LARP1B: variants seen among roughly 807,000 people sequenced by gnomAD.
LARP1B encodes la-related protein 1B.
A neutral mutation model predicts 114.2 loss-of-function variants in LARP1B; 76 were observed. That is an observed-to-expected ratio of 0.67 (90% confidence interval 0.55 to 0.81). The LOEUF is 0.81. Among genes scored for constraint, LARP1B ranks in the 30% least tolerant of loss-of-function variants. The pLI is 0.00. For missense variants in LARP1B, 1,014 were observed against 1,075.8 expected, an observed-to-expected ratio of 0.94 and a Z score of 0.80; for synonymous variants, 345 against 348.0, an observed-to-expected ratio of 0.99 and a Z score of 0.10.
chr4:128,151,218 CATT>C (rs1732644373), intron 11 of LARP1B, among the ~76,000 whole-genome samples: 1 of 152,068 alleles, frequency 6.6e-6, no homozygotes, highest in Admixed American at 6.6e-5. Flanking sequence ...TAGTTGTAGA[CATT>C]ATGTCAGCTT....
intron 12 of LARP1B, among the ~76,000 whole-genome samples, chr4:128,175,740 C>T (rs994015918): frequency 3.3e-5 from 5 of 152,018 alleles, no homozygotes; most frequent in Non-Finnish European, 5.9e-5. Flanking sequence ...CCATTTCGGT[C>T]GTTGTTTTCA....
chr4:128,118,490 C>A (rs1283165903), intron 10 of LARP1B, among the ~76,000 whole-genome samples: 1 of 151,710 alleles, frequency 6.6e-6, no homozygotes, highest in Admixed American at 6.6e-5. Flanking sequence ...CCCGCCTCAG[C>A]CTCCCAAAGT....
intron 8 of LARP1B, among the ~76,000 whole-genome samples, chr4:128,104,487 A>T (rs1781396195): frequency 6.6e-6 from 1 of 151,966 alleles, no homozygotes; most frequent in Non-Finnish European, 1.5e-5. Context: ...TCTATGGCCC[A>T]GGCTGGAGTT....
At chr4:128,144,823 C>T (rs1403716267) in intron 11 of LARP1B, among the ~76,000 whole-genome samples, 2 of 152,090 alleles carry the variant, frequency 1.3e-5, no homozygotes, top group African/African-American at 4.8e-5. Flanking sequence ...TATCTATTCA[C>T]TTATTAAGAC....
At chr4:128,131,085 G>A (rs930307772) in intron 11 of LARP1B, among the ~76,000 whole-genome samples, 4 of 152,210 alleles carry the variant, frequency 2.6e-5, no homozygotes, top group Non-Finnish European at 4.4e-5. Flanking sequence ...TATTTTCTAT[G>A]ATGTTCTGAT....
At chr4:128,109,940 G>A (rs536609964) in intron 9 of LARP1B, among the ~76,000 whole-genome samples, 129 of 144,206 alleles carry the variant, frequency 8.9e-4, no homozygotes, top group Non-Finnish European at 1.4e-3. Context: ...GCCTCACTCT[G>A]TCGCTCAGGC....
chr4:128,204,867 T>TAAAAAA (rs71587377), intron 17 of LARP1B, among the ~76,000 whole-genome samples: 2 of 149,510 alleles, frequency 1.3e-5, no homozygotes, highest in African/African-American at 2.5e-5. Context: ...TTTTAAAAAT[T>TAAAAAA]AAAAAAAAAG....
intron 8 of LARP1B, among the ~76,000 whole-genome samples, chr4:128,104,425 TAATC>T (rs1382428083): frequency 1.3e-5 from 2 of 152,200 alleles, no homozygotes; most frequent in South Asian, 2.1e-4. Flanking sequence ...ATATAACAGT[TAATC>T]AATCTTTCTT....
chr4:128,133,546 A>G (rs1354649245), intron 11 of LARP1B, among the ~76,000 whole-genome samples: 1 of 152,232 alleles, frequency 6.6e-6, no homozygotes, highest in Non-Finnish European at 1.5e-5. Flanking sequence ...TGAATAGTCA[A>G]AACATTATTA....
At chr4:128,221,545 G>A (rs899972759) in intron 7 of LARP1B, among the ~76,000 whole-genome samples, 4 of 152,116 alleles carry the variant, frequency 2.6e-5, no homozygotes, top group African/African-American at 9.7e-5. Flanking sequence ...ACCAGAATCC[G>A]CTGCTATTGT....
intron 1 of LARP1B, among the ~76,000 whole-genome samples, chr4:128,067,424 C>A: frequency 6.6e-6 from 1 of 152,276 alleles, no homozygotes; most frequent in East Asian, 1.9e-4. Flanking sequence ...ATAGGAAACA[C>A]AGGGGAGAAT....
intron 12 of LARP1B, among the ~76,000 whole-genome samples, chr4:128,169,623 CTCTA>C (rs1319333501): frequency 6.6e-6 from 1 of 151,760 alleles, no homozygotes; most frequent in Non-Finnish European, 1.5e-5. Flanking sequence ...CTATCTTTAT[CTCTA>C]TCTATCTATA....
chr4:128,155,503 C>T, intron 11 of LARP1B: 1 of 792,284 alleles, frequency 1.3e-6, no homozygotes, highest in Non-Finnish European at 2.3e-6. Flanking sequence ...CCACCTCGTG[C>T]CAAGGATCAG....
chr4:128,095,225 A>G (rs557664979), intron 7 of LARP1B, among the ~76,000 whole-genome samples: 22 of 152,064 alleles, frequency 1.4e-4, no homozygotes, highest in Admixed American at 2.0e-4. Flanking sequence ...ATGGTGGCTC[A>G]CTCCTGTAAT....
chr4:128,213,765 A>AT (rs1179202343), downstream of LARP1B, among the ~76,000 whole-genome samples: 1 of 152,156 alleles, frequency 6.6e-6, no homozygotes, highest in Non-Finnish European at 1.5e-5. Context: ...TGTCTTTGAC[A>AT]TTTTCTATAT....
chr4:128,077,770 C>CT lies in LARP1B; in HGVS notation c.43-17dup. 1 of 1,512,648 alleles carries CT rather than the reference C, an allele frequency of 6.6e-7. No homozygotes were observed. Among genetic ancestry groups the CT allele is most frequent in the Non-Finnish European group, 8.8e-7 (1 of 1,133,158 alleles). 93.7% of individuals were successfully genotyped at this position (1,512,648 alleles called of 1,614,324 possible). A position where few individuals can be genotyped will look rare whatever the true frequency, so the allele number is the denominator to read the frequency against. ...AAATATTAATGGAAATCATTTCATT[C>CT]TGAAAACCTTTTTGCAGTTTCAGAG... On this transcript the variant is annotated splice_polypyrimidine_tract_variant and intron_variant, in intron 3 of 19. Coordinates refer to ENST00000326639, the MANE Select transcript of LARP1B (RefSeq NM_018078.4).
In LARP1B at chr4:128,139,863, G is replaced by A. The variant is rs183829298; in HGVS notation, c.1524+17675G>A. The stretch of plus-strand genomic sequence containing the variant: ...TGGTAAGTAGAGTTTGGGAGTATTT[G>A]GAGCAAGAACCTCAATCTGTGGGAA... On this transcript the variant is annotated intron_variant, in intron 11 of 19. Coordinates refer to ENST00000326639, the MANE Select transcript of LARP1B (RefSeq NM_018078.4). 5.4e-3 allele frequency among the ~76,000 whole-genome samples: 668 copies of A among 122,696 alleles called. 6 individuals are homozygous for A. Among genetic ancestry groups the A allele is most frequent in the African/African-American group, 0.017 (633 of 37,390 alleles). The allele number at this position is 122,696 out of a possible 152,430, so 80.5% of individuals were successfully genotyped here.
intron 17 of LARP1B, among the ~76,000 whole-genome samples, chr4:128,204,576 A>G (rs1395413457): frequency 2.0e-5 from 3 of 151,832 alleles, no homozygotes; most frequent in Admixed American, 6.6e-5. Context: ...AATCACTTGA[A>G]CCCAGGAGGT....
intron 12 of LARP1B, among the ~76,000 whole-genome samples, chr4:128,165,068 A>G (rs930663283): frequency 2.0e-5 from 3 of 152,084 alleles, no homozygotes; most frequent in Non-Finnish European, 2.9e-5. Flanking sequence ...TATAAAATTC[A>G]TGGATAGATG....
Sources: allele counts gnomAD v4.1 joint callset (sites outside exome capture counted in the v4.1 genomes callset), GRCh38; gene constraint gnomAD v4.1.1; transcripts MANE v1.5; gene names NCBI Gene and HGNC (gene_info 2026-07-23, HGNC 2026-07-21).